TGS1: variants seen among roughly 807,000 people sequenced by gnomAD.
TGS1 encodes the protein trimethylguanosine synthase 1.
In TGS1, 69 loss-of-function variants were observed where a neutral mutation model predicts 92.2. The ratio of observed to expected loss-of-function variants is 0.75; its 90% CI spans 0.62 to 0.91. The LOEUF is 0.91. Among genes scored for constraint, TGS1 ranks in the 40% least tolerant of loss-of-function variants. TGS1 has a pLI of 0.00. For missense variants in TGS1, 1,062 were observed against 1,001.2 expected, an observed-to-expected ratio of 1.06 and a Z score of -0.82; for synonymous variants, 345 against 338.1, an observed-to-expected ratio of 1.02 and a Z score of -0.22.
Position 55,785,790 on chromosome 8 carries a change from A to T in TGS1, c.238A>T (p.Ile80Leu). 3 of 1,613,958 alleles carry T rather than the reference A, an allele frequency of 1.9e-6. No homozygotes were observed. Among genetic ancestry groups the T allele is most frequent in the African/African-American group, 1.3e-5 (1 of 75,040 alleles). The stretch of plus-strand genomic sequence containing the variant: ...TGCAGAATCACATGACAGCAAAGGC[A>T]TAGGCCTGGATGAAAGTGAACTTGA... ...GTAESHDSKG[I>L]GLDESELDSE... The change falls in exon 3 of 13, where the codon ATA becomes TTA. Residue 80 changes from isoleucine (I) to leucine (L), a missense_variant. Physicochemically the swap from Ile to Leu is conservative, Grantham distance 5. Transcript: ENST00000260129.
intron 1 of TGS1, among the ~76,000 whole-genome samples, chr8:55,776,430 G>A (rs529348325): frequency 6.6e-6 from 1 of 152,058 alleles, no homozygotes; most frequent in South Asian, 2.1e-4. Flanking sequence ...ACAGGCGCCC[G>A]CCACAATGTC....
chr8:55,823,657 G>A (rs1230013098), intron 12 of TGS1, among the ~76,000 whole-genome samples: 1 of 152,146 alleles, frequency 6.6e-6, no homozygotes, highest in African/African-American at 2.4e-5. Context: ...TTATGTAGCA[G>A]GAACTCAGTA....
At position 55,796,108 on chromosome 8, in the gene TGS1, G is replaced by A. The variant is rs760499758; in HGVS notation, c.1498G>A (p.Glu500Lys). 11 of 1,612,694 alleles carry A rather than the reference G, an allele frequency of 6.8e-6. No individual in the cohort carries two copies. The African/African-American group carries it at 1.1e-4, about 16-fold the overall frequency. The change falls in exon 7 of 13, where the codon GAG becomes AAG. Residue 500 changes from glutamate (E) to lysine (K), a missense_variant. Physicochemically the swap from Glu to Lys is moderately conservative, Grantham distance 56. Coordinates refer to ENST00000260129, the MANE Select transcript of TGS1 (RefSeq NM_024831.8). Reference protein sequence around the residue: ...MKNKHIFFTKESEKPFFKKSK... With the variant: ...MKNKHIFFTKKSEKPFFKKSK... ...AAACAAACACATCTTCTTTACCAAA[G>A]AGTCAGAAAAACCATTTTTCAAGAA...
chr8:55,796,253 G>A, intron 7 of TGS1, 101 bp downstream of exon 7: 1 of 872,198 alleles, frequency 1.1e-6, no homozygotes, highest in Non-Finnish European at 1.7e-6. Flanking sequence ...TTTCTACCAG[G>A]TATCAAGGTA....
intron 9 of TGS1, 105 bp from the exon 10 acceptor site, chr8:55,804,788 C>A: frequency 1.0e-6 from 1 of 980,242 alleles, no homozygotes; most frequent in Non-Finnish European, 1.5e-6. Context: ...AAAAGGGAAA[C>A]TAAGCTTTTT....
intron 9 of TGS1, among the ~76,000 whole-genome samples, chr8:55,803,126 G>GC (rs773865438): frequency 9.0e-6 from 1 of 110,566 alleles, no homozygotes; most frequent in African/African-American, 3.9e-5. Context: ...CTTCAATTTG[G>GC]GGGGGTGTGT....
intron 10 of TGS1, among the ~76,000 whole-genome samples, chr8:55,808,338 A>G (rs1259100473): frequency 6.6e-6 from 1 of 151,644 alleles, no homozygotes; most frequent in Non-Finnish European, 1.5e-5. Flanking sequence ...TTTATTGCCT[A>G]AAAAATGATT....
chr8:55,825,103 G>A lies in TGS1; in HGVS notation c.*400G>A, dbSNP rs1038037523. ...CACCGTACTAATTTTTGTATTTTTT[G>A]TAGAGACGAGGTCCCACCATGTTGC... On this transcript the variant is annotated 3_prime_UTR_variant, in exon 13 of 13. Transcript: ENST00000260129. The A allele has an allele frequency of 6.4e-6, 1 of 157,420 alleles. No individual in the cohort carries two copies. The highest frequency in any genetic ancestry group is 1.4e-5 in the Non-Finnish European group (1 of 71,674). 9.8% of individuals were successfully genotyped at this position (157,420 alleles called of 1,614,324 possible). A position where few individuals can be genotyped will look rare whatever the true frequency, so the allele number is the denominator to read the frequency against.
At chr8:55,794,280 T>A (rs935927073) in intron 6 of TGS1, among the ~76,000 whole-genome samples, 1 of 152,070 alleles carries the variant, frequency 6.6e-6, no homozygotes, top group Non-Finnish European at 1.5e-5. Context: ...GGTCTTAAAC[T>A]CTTGGCCTCA....
intron 6 of TGS1, among the ~76,000 whole-genome samples, chr8:55,794,003 A>G (rs905211947): frequency 2.6e-5 from 4 of 151,956 alleles, no homozygotes; most frequent in Non-Finnish European, 5.9e-5. Context: ...TTCTCCCTCA[A>G]CAATGTACCA....
In TGS1 at chr8:55,786,947, A is replaced by G; in HGVS notation, c.1049A>G (p.Glu350Gly). 6.2e-7 allele frequency: 1 copy of G among 1,614,182 alleles called. No individual in the cohort carries two copies. The highest frequency in any genetic ancestry group is 8.5e-7 in the Non-Finnish European group (1 of 1,180,028). The change falls in exon 4 of 13, where the codon GAA becomes GGA. Residue 350 changes from glutamate to glycine, a missense_variant. Physicochemically the swap from Glu to Gly is moderately conservative, Grantham distance 98. Coordinates refer to ENST00000260129, the MANE Select transcript of TGS1 (RefSeq NM_024831.8). ...CATGATGGTCATCAACAGCTAAGTG[A>G]AGTTAGTAGCAAAAGAGAGTGCCCT... ...TSHDGHQQLS[E>G]VSSKRECPAS...
intron 12 of TGS1, among the ~76,000 whole-genome samples, chr8:55,823,437 G>C (rs981667808): frequency 3.3e-5 from 5 of 152,196 alleles, no homozygotes; most frequent in Admixed American, 3.3e-4. Flanking sequence ...TAATAAAGGA[G>C]TTAGTCACTA....
In TGS1 at chr8:55,786,899, G is replaced by C. The variant is rs759576494; in HGVS notation, c.1001G>C (p.Ser334Thr). 6.2e-7 allele frequency: 1 copy of C among 1,614,116 alleles called. No homozygotes were observed. Among genetic ancestry groups the C allele is most frequent in the Non-Finnish European group, 8.5e-7 (1 of 1,179,990 alleles). ...IKLNSEEVTQ[S>T]QLDSCTSHDG... ...CTGAATTCAGAGGAAGTAACACAGA[G>C]CCAATTAGATTCCTGTACAAGTCAT... The change falls in exon 4 of 13, where the codon AGC (serine) becomes ACC (threonine). Residue 334 changes from serine to threonine, a missense_variant. Coordinates refer to ENST00000260129, the MANE Select transcript of TGS1 (RefSeq NM_024831.8).
chr8:55,821,369 A>G (rs1216156700), intron 12 of TGS1, among the ~76,000 whole-genome samples: 6 of 152,148 alleles, frequency 3.9e-5, no homozygotes, highest in South Asian at 4.1e-4. Context: ...GCTCTCAATA[A>G]TAGTTATTGA....
rs750070816 is a variant in TGS1 at position 55,810,978 on chromosome 8, T to C, written c.2241T>C (p.Asp747=). Residue 747 remains aspartate, a synonymous_variant, in exon 11 of 13, where the codon GAT becomes GAC. Coordinates refer to ENST00000260129, the MANE Select transcript of TGS1 (RefSeq NM_024831.8). The part of the protein sequence containing the change: ...IADKIEFICG[D]FLLLASFLKA... The stretch of plus-strand genomic sequence containing the variant: ...ATAAGATAGAGTTCATCTGTGGAGA[T>C]TTCTTGCTGCTGGCTTCTTTTTTAA... The C allele has an allele frequency of 1.9e-6, 3 of 1,614,204 alleles. No individual in the cohort carries two copies. The highest frequency in any genetic ancestry group is 1.3e-5 in the African/African-American group (1 of 75,058).
chr8:55,809,688 G>T (rs563857239), intron 10 of TGS1, among the ~76,000 whole-genome samples: 11 of 152,262 alleles, frequency 7.2e-5, no homozygotes, highest in African/African-American at 2.6e-4. Flanking sequence ...ACCCGCCTCA[G>T]CCTCCCAAAG....
At chr8:55,811,747 C>T (rs1803346748) in intron 11 of TGS1, among the ~76,000 whole-genome samples, 2 of 151,752 alleles carry the variant, frequency 1.3e-5, no homozygotes, top group Admixed American at 6.6e-5. Flanking sequence ...GGCAACGGAG[C>T]GAGACTCCAT....
intron 12 of TGS1, among the ~76,000 whole-genome samples, chr8:55,819,930 G>A (rs1482878453): frequency 1.3e-5 from 2 of 152,146 alleles, no homozygotes; most frequent in Non-Finnish European, 2.9e-5. Flanking sequence ...GTGACATTAG[G>A]TTTGTAGTCA....
At chr8:55,778,429 C>A (rs1222734708) in intron 1 of TGS1, among the ~76,000 whole-genome samples, 2 of 152,184 alleles carry the variant, frequency 1.3e-5, no homozygotes, top group East Asian at 1.9e-4. Context: ...GTCACTAGAA[C>A]AACTGATGTT....
Sources: gnomAD v4.1 joint callset for allele counts (sites outside exome capture counted in the v4.1 genomes callset) on GRCh38, gnomAD v4.1.1 for gene constraint, MANE v1.5 for transcripts, NCBI Gene and HGNC (gene_info 2026-07-23, HGNC 2026-07-21) for gene names.